Variants in NCKAP1L observed in about 807,000 individuals in gnomAD.
The protein encoded by NCKAP1L is nck-associated protein 1-like.
In NCKAP1L, 53 loss-of-function variants were observed where a neutral mutation model predicts 139.2. The ratio of observed to expected loss-of-function variants is 0.38; its 90% CI spans 0.31 to 0.48. The LOEUF is 0.48. Ranked by LOEUF, NCKAP1L falls within the 20% of genes least tolerant of loss-of-function variation. NCKAP1L has a pLI of 0.98. For synonymous variants in NCKAP1L, 468 were observed against 499.7 expected (o/e 0.94, Z 0.85); for missense variants, 1,151 against 1,381.9 (o/e 0.83, Z 2.65).
In NCKAP1L at chr12:54,531,550, G is replaced by C. The variant is rs201979196; in HGVS notation, c.2664G>C (p.Pro888=). The change falls in exon 24 of 31, where the codon CCG becomes CCC. Residue 888 remains proline, a synonymous_variant. Coordinates refer to ENST00000293373, the MANE Select transcript of NCKAP1L (RefSeq NM_005337.5). ...LVQIRSNFSK[P]DLMASLLPQL... ...AGATCAGATCCAACTTTAGCAAGCC[G>C]GACTTGATGGCTTCCCTGCTGCCCC... The C allele has an allele frequency of 2.0e-5, 33 of 1,614,034 alleles. No homozygotes were observed. The highest frequency in any genetic ancestry group is 2.7e-5 in the Non-Finnish European group (32 of 1,180,036).
At position 54,519,269 on chromosome 12, in the gene NCKAP1L, A is replaced by G; in HGVS notation, c.1562A>G (p.His521Arg). The G allele has an allele frequency of 6.3e-7, 1 of 1,588,714 alleles. No individual in the cohort carries two copies. ...AAGGTGATGAACCTCATTGTCTTCC[A>G]CTCCCGAATGCTGGACTCCGTAGAA... Reference protein sequence around the residue: ...LAKVMNLIVFHSRMLDSVEKL... With the variant: ...LAKVMNLIVFRSRMLDSVEKL... The change falls in exon 16 of 31, where the codon CAC (histidine) becomes CGC (arginine). Residue 521 changes from histidine (H) to arginine (R), a missense_variant. Transcript: ENST00000293373.
rs776525166 is a variant in NCKAP1L, at chr12:54,518,921, T to G, written c.1428T>G (p.Asn476Lys). 1 of 1,613,832 alleles carries G rather than the reference T, an allele frequency of 6.2e-7. No homozygotes were observed. Among genetic ancestry groups the G allele is most frequent in the African/African-American group, 1.3e-5 (1 of 74,938 alleles). The change falls in exon 15 of 31, where the codon AAT becomes AAG. Residue 476 changes from asparagine to lysine, a missense_variant. By Grantham distance (94) the Asn-to-Lys change is moderately conservative (BLOSUM62 0). Transcript: ENST00000293373. ...LSSLNLKQVD[N>K]GEKFEFSGLR... ...CTTCCGTTTTTCTTGCAGTTGATAA[T>G]GGAGAAAAATTTGAATTCTCAGGAT... is the stretch of plus-strand genomic sequence containing the variant.
Position 54,509,982 on chromosome 12 carries a change from T to C in NCKAP1L, c.732T>C (p.Asp244=). Residue 244 remains aspartate, a synonymous_variant, in exon 7 of 31, where the codon GAT becomes GAC. Transcript: ENST00000293373. ...PPAMINPANS[D]TMACEYLSVE... ...CCATGATTAACCCTGCTAATTCAGATACAGTGAGTGCCCTTTTCCTTTTGT... is the reference window on the plus strand; with the variant it reads ...CCATGATTAACCCTGCTAATTCAGACACAGTGAGTGCCCTTTTCCTTTTGT... The C allele has an allele frequency of 6.2e-7, 1 of 1,614,194 alleles. No homozygotes were observed. The highest frequency in any genetic ancestry group is 1.3e-5 in the African/African-American group (1 of 75,060).
At position 54,510,002 on chromosome 12, in the gene NCKAP1L, T is replaced by C; in HGVS notation, c.735+17T>C. 1 of 1,613,468 alleles carries C rather than the reference T, an allele frequency of 6.2e-7. No homozygotes were observed. Among genetic ancestry groups the C allele is most frequent in the Non-Finnish European group, 8.5e-7 (1 of 1,179,640 alleles). On this transcript the variant is annotated intron_variant, in intron 7 of 30. Transcript: ENST00000293373. ...TCAGATACAGTGAGTGCCCTTTTCC[T>C]TTTGTTAGTGGAAGCATTCTCTTTG...
rs199509600 is a variant in NCKAP1L, at chr12:54,535,150, G to C, written c.2909G>C (p.Cys970Ser). The change falls in exon 27 of 31, where the codon TGT (cysteine) becomes TCT (serine). Residue 970 changes from cysteine to serine, a missense_variant. Transcript: ENST00000293373. ...CTGGCATCTGCTGCAGGTGTGGGCT[G>C]TGACATTGACCCAGCCTTGGTGGCT... is the stretch of plus-strand genomic sequence containing the variant. ...FELASAAGVG[C>S]DIDPALVAAI... is the part of the protein sequence containing the mutation. 6.2e-7 allele frequency: 1 copy of C among 1,613,646 alleles called. No individual in the cohort carries two copies. The highest frequency in any genetic ancestry group is 1.3e-5 in the African/African-American group (1 of 74,902).
At position 54,544,901 on chromosome 12, in the gene NCKAP1L, G is replaced by A. The variant is rs1957186798; in HGVS notation, c.*2216G>A. The A allele has an allele frequency of 6.6e-6, 1 of 152,182 alleles. No individual in the cohort carries two copies. The highest frequency in any genetic ancestry group is 2.1e-4 in the South Asian group (1 of 4,830). The allele number at this position is 152,182 out of a possible 1,614,324, so 9.4% of individuals were successfully genotyped here. ...GTAGTCCCACTACTCAGGAGGCTGA[G>A]GCAGCAGAATAACTTGATCCCGGGA... On this transcript the variant is annotated 3_prime_UTR_variant, in exon 31 of 31. Transcript: ENST00000293373.
chr12:54,531,370 C>G lies in NCKAP1L; in HGVS notation c.2604+13C>G, dbSNP rs970598163. On this transcript the variant is annotated intron_variant, in intron 23 of 30. Transcript: ENST00000293373. ...TGTGGAGCTGAAGGTACTATGGAAA[C>G]AATCCCTTGGGGAAAAGATCCTACC... The G allele has an allele frequency of 9.3e-6, 15 of 1,613,238 alleles. No individual in the cohort carries two copies. Among genetic ancestry groups the G allele is most frequent in the Middle Eastern group, 3.3e-4 (2 of 6,060 alleles).
At chr12:54,516,388 A>G in intron 10 of NCKAP1L, 93 bp downstream of exon 10, 2 of 1,170,824 alleles carry the variant, frequency 1.7e-6, no homozygotes, top group Non-Finnish European at 1.3e-6. Flanking sequence ...GTTTCTGTAC[A>G]GCTTTATTGC....
chr12:54,513,794 T>C (rs1956907307), intron 9 of NCKAP1L, among the ~76,000 whole-genome samples: 1 of 152,152 alleles, frequency 6.6e-6, no homozygotes, highest in Non-Finnish European at 1.5e-5. Context: ...AAAGTTTGAC[T>C]GTAAAGGGAA....
intron 21 of NCKAP1L, among the ~76,000 whole-genome samples, chr12:54,527,480 G>A (rs993005867): frequency 1.3e-5 from 2 of 152,172 alleles, no homozygotes; most frequent in African/African-American, 4.8e-5. Flanking sequence ...CCTCTAAAGG[G>A]AACAGCCACC....
Position 54,531,431 on chromosome 12 carries a change from G to C in NCKAP1L, c.2605-60G>C, listed in dbSNP as rs183583217. On this transcript the variant is annotated intron_variant, in intron 23 of 30. Coordinates refer to ENST00000293373, the MANE Select transcript of NCKAP1L (RefSeq NM_005337.5). Reference sequence around the variant, plus strand: ...AGGGTGGGTATAGGAGACTGGGGGGGAAGATGTAACATTGGTCTCTTCTTT... The same window carrying C: ...AGGGTGGGTATAGGAGACTGGGGGGCAAGATGTAACATTGGTCTCTTCTTT... 6.1e-5 allele frequency: 98 copies of C among 1,604,998 alleles called. No homozygotes were observed. In the Middle Eastern group the frequency reaches 6.6e-4, roughly 11 times the overall value.
chr12:54,505,998 T>C (rs1956837071), intron 3 of NCKAP1L, among the ~76,000 whole-genome samples: 1 of 152,228 alleles, frequency 6.6e-6, no homozygotes, highest in Non-Finnish European at 1.5e-5. Context: ...TTCCATTGCA[T>C]GGGTACAATT....
At chr12:54,504,383 G>C (rs1022581212) in intron 3 of NCKAP1L, among the ~76,000 whole-genome samples, 1 of 152,176 alleles carries the variant, frequency 6.6e-6, no homozygotes, top group African/African-American at 2.4e-5. Flanking sequence ...ATGTATGAAC[G>C]AGGGTCAGGT....
intron 22 of NCKAP1L, among the ~76,000 whole-genome samples, chr12:54,530,791 T>A (rs937551421): frequency 5.3e-5 from 8 of 152,338 alleles, no homozygotes; most frequent in Non-Finnish European, 1.2e-4. Context: ...ATCCATATAT[T>A]TTCCAAAGTT....
Position 54,497,771 on chromosome 12 carries a change from T to C in NCKAP1L, c.-19T>C, listed in dbSNP as rs761004225. ...GAGATCAGACATTGCTGTCTGGTGC[T>C]CCTCTCTCAGTGGCCATCATGTCTT... On this transcript the variant is annotated 5_prime_UTR_variant, in exon 1 of 31. Transcript: ENST00000293373. The C allele has an allele frequency of 6.6e-7, 1 of 1,514,712 alleles. No individual in the cohort carries two copies. The highest frequency in any genetic ancestry group is 9.2e-7 in the Non-Finnish European group (1 of 1,089,904). 93.8% of individuals were successfully genotyped at this position (1,514,712 alleles called of 1,614,324 possible).
At chr12:54,509,644 A>G in intron 5 of NCKAP1L, 25 bp from the exon 6 acceptor site, 2 of 1,545,264 alleles carry the variant, frequency 1.3e-6, no homozygotes, top group Non-Finnish European at 8.9e-7. Flanking sequence ...GAGGGCTGTA[A>G]CCCCTCTCCT....
chr12:54,547,945 T>C lies in NCKAP1L; in HGVS notation c.*5260T>C, dbSNP rs1957212273. ...AAGTCCCTTATTATTTCCACTTTTT[T>C]CTCCATCTCTGACTCTGCCATCTCT... On this transcript the variant is annotated 3_prime_UTR_variant, in exon 31 of 31. Transcript: ENST00000293373. 1 of 152,196 alleles carries C rather than the reference T, an allele frequency of 6.6e-6. No individual in the cohort carries two copies. Among genetic ancestry groups the C allele is most frequent in the African/African-American group, 2.4e-5 (1 of 41,434 alleles). 9.4% of individuals were successfully genotyped at this position (152,196 alleles called of 1,614,324 possible).
rs79012881 is a variant in NCKAP1L, at chr12:54,527,628, G to A, written c.2376-619G>A. 5.9e-3 allele frequency among the ~76,000 whole-genome samples: 894 copies of A among 152,244 alleles called. 2 individuals are homozygous for A. The highest frequency in any genetic ancestry group is 0.01 in the Non-Finnish European group (681 of 68,010). ...CTCTTCCCCTGTCAGCCGTTTCAGC[G>A]TAAATTCAAAGGAAAAAAAAAGTTT... On this transcript the variant is annotated intron_variant, in intron 21 of 30. Coordinates refer to ENST00000293373, the MANE Select transcript of NCKAP1L (RefSeq NM_005337.5).
intron 16 of NCKAP1L, among the ~76,000 whole-genome samples, chr12:54,520,221 A>T (rs1956970585): frequency 6.6e-6 from 1 of 152,256 alleles, no homozygotes; most frequent in Non-Finnish European, 1.5e-5. Flanking sequence ...AATGTAAGAA[A>T]GTGTAAAAGA....
Sources: allele counts gnomAD v4.1 joint callset (sites outside exome capture counted in the v4.1 genomes callset), GRCh38; gene constraint gnomAD v4.1.1; transcripts MANE v1.5; gene names NCBI Gene and HGNC (gene_info 2026-07-23, HGNC 2026-07-21).